The following NRG1 variants were observed in gnomAD, a reference collection of about 807,000 sequenced individuals.
NRG1 encodes pro-neuregulin-1, membrane-bound isoform.
In NRG1, 18 loss-of-function variants were observed where a neutral mutation model predicts 63.8. The ratio of observed to expected loss-of-function variants is 0.28; its 90% CI spans 0.19 to 0.42. The LOEUF (loss-of-function observed/expected upper bound fraction) is 0.42, where lower values mean the gene tolerates loss of function less well. Ranked by LOEUF, NRG1 falls within the 10% of genes least tolerant of loss-of-function variation. The probability of loss-of-function intolerance (pLI) is 1.00; values close to 1 mark genes in which losing one functional copy is unlikely to be tolerated. For synonymous variants in NRG1, 302 were observed against 301.3 expected, an observed-to-expected ratio of 1.00 and a Z score of -0.02; for missense variants, 762 against 814.7, an observed-to-expected ratio of 0.94 and a Z score of 0.79.
Position 32,616,826 on chromosome 8 carries a change from GTT to G in NRG1, c.452-6_452-5del. The G allele has an allele frequency of 5.0e-6, 8 of 1,602,004 alleles. No homozygotes were observed. The highest frequency in any genetic ancestry group is 6.8e-6 in the Non-Finnish European group (8 of 1,169,344). On this transcript the variant is annotated splice_region_variant and splice_polypyrimidine_tract_variant and intron_variant, in intron 4 of 11. Transcript: ENST00000356819. ...CAATAAAGCCTCATTCCACTTTTAT[GTT>G]TTATAGAGTCTCCCATTAGAATATC...
chr8:32,417,787 AT>A, intron 1 of NRG1, among the ~76,000 whole-genome samples: 1 of 152,194 alleles, frequency 6.6e-6, no homozygotes, highest in East Asian at 1.9e-4. Flanking sequence ...TAAGAGTTAA[AT>A]TTTTTGCAAA....
chr8:32,290,723 A>G, intron 1 of NRG1, among the ~76,000 whole-genome samples: 1 of 152,160 alleles, frequency 6.6e-6, no homozygotes, highest in East Asian at 1.9e-4. Context: ...AGTCATATCA[A>G]TGGATTAGAT....
chr8:32,488,923 T>C (rs1826217832), intron 1 of NRG1, among the ~76,000 whole-genome samples: 1 of 152,166 alleles, frequency 6.6e-6, no homozygotes. Context: ...CTCTTTAGGA[T>C]AAAAACTTCA....
chr8:32,183,689 G>T (rs531774673), intron 1 of NRG1, among the ~76,000 whole-genome samples: 10 of 152,264 alleles, frequency 6.6e-5, no homozygotes, highest in African/African-American at 1.4e-4. Flanking sequence ...TCAAATTAGA[G>T]TCCTGGAGTA....
chr8:32,587,939 T>C (rs1277715124), intron 1 of NRG1, among the ~76,000 whole-genome samples: 1 of 152,076 alleles, frequency 6.6e-6, no homozygotes, highest in Non-Finnish European at 1.5e-5. Flanking sequence ...TGTTTTGTTT[T>C]GTTTTTTGAG....
At chr8:32,253,550 C>T (rs755421984) in intron 1 of NRG1, among the ~76,000 whole-genome samples, 18 of 152,250 alleles carry the variant, frequency 1.2e-4, no homozygotes, top group Non-Finnish European at 1.9e-4. Flanking sequence ...CTGACTTGAT[C>T]GTGGTGGATA....
chr8:32,609,913 T>C (rs1209291935), intron 3 of NRG1, among the ~76,000 whole-genome samples: 1 of 151,706 alleles, frequency 6.6e-6, no homozygotes, highest in African/African-American at 2.4e-5. Context: ...TCAAATGATC[T>C]GCCCACTTTG....
At chr8:31,852,869 C>T (rs1282194314) in intron 1 of NRG1, among the ~76,000 whole-genome samples, 1 of 152,170 alleles carries the variant, frequency 6.6e-6, no homozygotes, top group South Asian at 2.1e-4. Flanking sequence ...AATAGAGAAT[C>T]CTTTCCCCAT....
chr8:32,572,183 G>C (rs1321052566), intron 1 of NRG1, among the ~76,000 whole-genome samples: 30 of 152,120 alleles, frequency 2.0e-4, no homozygotes, highest in Admixed American at 2.0e-3. Flanking sequence ...TACGACATAA[G>C]TGGCACACTC....
intron 1 of NRG1, among the ~76,000 whole-genome samples, chr8:31,736,414 T>C (rs966462065): frequency 2.0e-5 from 3 of 152,156 alleles, no homozygotes; most frequent in Non-Finnish European, 4.4e-5. Context: ...TATCCTCTAT[T>C]ATCCTAGAGA....
At chr8:31,891,183 G>C (rs1439532088) in intron 1 of NRG1, among the ~76,000 whole-genome samples, 2 of 152,044 alleles carry the variant, frequency 1.3e-5, no homozygotes, top group Admixed American at 1.3e-4. Context: ...CCTTTGCCCT[G>C]CAAAAGACCC....
intron 1 of NRG1, among the ~76,000 whole-genome samples, chr8:31,872,203 A>G (rs1225485627): frequency 6.6e-6 from 1 of 152,196 alleles, no homozygotes; most frequent in African/African-American, 2.4e-5. Flanking sequence ...GTTGTTTTCT[A>G]TCACCAGGAA....
intron 1 of NRG1, among the ~76,000 whole-genome samples, chr8:31,905,145 G>A (rs184498544): frequency 6.6e-6 from 1 of 152,196 alleles, no homozygotes. Context: ...AAAGCATAGA[G>A]TCCCAGAGAG....
intron 5 of NRG1, among the ~76,000 whole-genome samples, chr8:32,685,375 A>T (rs531482248): frequency 1.3e-5 from 2 of 152,250 alleles, no homozygotes; most frequent in East Asian, 3.9e-4. Flanking sequence ...ACTAGAATGA[A>T]AGTGAGGGAA....
intron 1 of NRG1, among the ~76,000 whole-genome samples, chr8:32,491,051 C>T (rs1345683853): frequency 1.3e-5 from 2 of 152,188 alleles, no homozygotes; most frequent in Non-Finnish European, 2.9e-5. Flanking sequence ...CCCCCTTCAT[C>T]TCAAGGTGTC....
chr8:32,466,713 T>A (rs6997612), intron 1 of NRG1, among the ~76,000 whole-genome samples: 117,266 of 151,930 alleles, frequency 0.77, 45,464 homozygotes, highest in East Asian at 0.89. Flanking sequence ...TAGTTGAAAT[T>A]TGAAGAATTC....
intron 1 of NRG1, among the ~76,000 whole-genome samples, chr8:32,307,589 T>TTGTGTG (rs371611530): frequency 4.4e-4 from 41 of 93,546 alleles, no homozygotes; most frequent in African/African-American, 1.9e-3. Flanking sequence ...ACCCAGGGGT[T>TTGTGTG]TGTGTGTGTG....
intron 1 of NRG1, among the ~76,000 whole-genome samples, chr8:31,670,198 T>C (rs147877212): frequency 1.6e-4 from 25 of 152,298 alleles, no homozygotes; most frequent in African/African-American, 5.5e-4. Flanking sequence ...ATTTTCCATG[T>C]TATTTTTTAG....
At chr8:32,355,489 G>A (rs973983869) in intron 1 of NRG1, among the ~76,000 whole-genome samples, 2 of 151,994 alleles carry the variant, frequency 1.3e-5, no homozygotes, top group Non-Finnish European at 2.9e-5. Context: ...TAGCAAAGGG[G>A]ATAATATTTG....
Sources: allele counts gnomAD v4.1 joint callset (sites outside exome capture counted in the v4.1 genomes callset), GRCh38; gene constraint gnomAD v4.1.1; transcripts MANE v1.5; gene names NCBI Gene and HGNC (gene_info 2026-07-23, HGNC 2026-07-21).